GPR158: variants seen among roughly 807,000 people sequenced by gnomAD.
The protein encoded by GPR158 is metabotropic glycine receptor.
A neutral mutation model predicts 78.2 loss-of-function variants in GPR158; 30 were observed. That is an observed-to-expected ratio of 0.38 (90% CI 0.29 to 0.52). The LOEUF (loss-of-function observed/expected upper bound fraction) is 0.52, where lower values mean the gene tolerates loss of function less well. Ranked by LOEUF, GPR158 falls within the 20% of genes least tolerant of loss-of-function variation. The pLI is 0.83. For synonymous variants in GPR158, 581 were observed against 591.1 expected (o/e 0.98, Z 0.25); for missense variants, 1,463 against 1,523.5 (o/e 0.96, Z 0.66).
chr10:25,437,520 C>G (rs1484780519), intron 4 of GPR158, among the ~76,000 whole-genome samples: 1 of 152,148 alleles, frequency 6.6e-6, no homozygotes, highest in Non-Finnish European at 1.5e-5. Context: ...GCCACTGGGC[C>G]CAGTCCCTAT....
intron 1 of GPR158, among the ~76,000 whole-genome samples, chr10:25,212,852 G>A (rs933073848): frequency 3.9e-5 from 6 of 151,940 alleles, no homozygotes; most frequent in East Asian, 1.9e-4. Context: ...GGCTGGTCTC[G>A]AACTCCTGAC....
rs535167373 is a variant in GPR158, at chr10:25,245,194, A to G, written c.1008+24037A>G. The stretch of plus-strand genomic sequence containing the variant: ...AAAGGAATGCCAGTTCACTGGAAGG[A>G]GAAGTAAAGGAGGAGCCCAACAGGG... On this transcript the variant is annotated intron_variant, in intron 2 of 10. Coordinates refer to ENST00000376351, the MANE Select transcript of GPR158 (RefSeq NM_020752.3). 2.0e-5 allele frequency among the ~76,000 whole-genome samples: 3 copies of G among 152,322 alleles called. No homozygotes were observed. In the East Asian group the frequency reaches 5.8e-4, roughly 29 times the overall value.
intron 5 of GPR158, among the ~76,000 whole-genome samples, chr10:25,472,034 G>C (rs2130624582): frequency 6.6e-6 from 1 of 152,202 alleles, no homozygotes; most frequent in African/African-American, 2.4e-5. Flanking sequence ...TGAAGTCCTT[G>C]CCCATGCCTA....
chr10:25,276,364 C>T (rs1052428856), intron 2 of GPR158, among the ~76,000 whole-genome samples: 16 of 152,276 alleles, frequency 1.1e-4, no homozygotes, highest in African/African-American at 3.1e-4. Flanking sequence ...CTGCTTTCTC[C>T]TTCTTCCTTT....
At chr10:25,369,549 G>A (rs1199210154) in intron 2 of GPR158, among the ~76,000 whole-genome samples, 2 of 149,094 alleles carry the variant, frequency 1.3e-5, no homozygotes, top group Non-Finnish European at 3.0e-5. Context: ...GCTTTTTGAT[G>A]TGCTGCTGGA....
intron 7 of GPR158, among the ~76,000 whole-genome samples, chr10:25,579,401 T>A (rs1837155761): frequency 6.6e-6 from 1 of 152,174 alleles, no homozygotes; most frequent in South Asian, 2.1e-4. Context: ...GATTTAGATA[T>A]CCCAGGCAGG....
intron 2 of GPR158, among the ~76,000 whole-genome samples, chr10:25,293,119 CA>C (rs1854463446): frequency 6.6e-6 from 1 of 152,184 alleles, no homozygotes; most frequent in African/African-American, 2.4e-5. Flanking sequence ...TGAGATTTTG[CA>C]GCTTTTTCTT....
chr10:25,588,296 T>C lies in GPR158; in HGVS notation c.1754-711T>C, dbSNP rs370880620. 9.2e-5 allele frequency among the ~76,000 whole-genome samples: 14 copies of C among 152,334 alleles called. No homozygotes were observed. The South Asian group carries it at 1.2e-3, about 14-fold the overall frequency. On this transcript the variant is annotated intron_variant, in intron 7 of 10. Transcript: ENST00000376351. The stretch of plus-strand genomic sequence containing the variant: ...AAGATTATGCAAAGTTATTTAGGGA[T>C]AGAGCCAGAGTCAGAATCAGAATTA...
chr10:25,457,975 G>A (rs1835312519), intron 4 of GPR158, among the ~76,000 whole-genome samples: 1 of 152,114 alleles, frequency 6.6e-6, no homozygotes, highest in Non-Finnish European at 1.5e-5. Context: ...TTTCTGCCCA[G>A]CAATATATGA....
At chr10:25,205,547 G>C (rs1853013369) in intron 1 of GPR158, among the ~76,000 whole-genome samples, 2 of 151,836 alleles carry the variant, frequency 1.3e-5, no homozygotes, top group Admixed American at 1.3e-4. Context: ...CTTTTTTGGT[G>C]TGGGCAGTTA....
intron 9 of GPR158, among the ~76,000 whole-genome samples, chr10:25,596,437 T>C (rs1357732049): frequency 6.6e-6 from 1 of 152,126 alleles, no homozygotes; most frequent in Non-Finnish European, 1.5e-5. Context: ...GCTGCTGCTC[T>C]CCTGGCTGAG....
chr10:25,283,117 G>C (rs1044644033), intron 2 of GPR158, among the ~76,000 whole-genome samples: 5 of 151,948 alleles, frequency 3.3e-5, no homozygotes, highest in African/African-American at 1.2e-4. Context: ...CAGAATTCCA[G>C]AGTGAAATCA....
At chr10:25,493,909 G>A (rs547844798) in intron 5 of GPR158, among the ~76,000 whole-genome samples, 13 of 152,248 alleles carry the variant, frequency 8.5e-5, no homozygotes, top group South Asian at 2.1e-4. Flanking sequence ...TGCTTATTGC[G>A]CTAAAGCTTT....
At chr10:25,337,707 A>T (rs1855229738) in intron 2 of GPR158, among the ~76,000 whole-genome samples, 2 of 149,000 alleles carry the variant, frequency 1.3e-5, no homozygotes, top group Admixed American at 1.3e-4. Flanking sequence ...TTTAGTAGAT[A>T]TTGTCAGAAT....
At position 25,564,323 on chromosome 10, in the gene GPR158, T is replaced by C. The variant is rs1215945746; in HGVS notation, c.1515-8326T>C. The stretch of plus-strand genomic sequence containing the variant: ...GGCCTTTTGTGAGAATGTTCCAGGC[T>C]TCTAGATTCCCAGAAATATATTGGT... On this transcript the variant is annotated intron_variant, in intron 6 of 10. Coordinates refer to ENST00000376351, the MANE Select transcript of GPR158 (RefSeq NM_020752.3). Among the ~76,000 whole-genome samples, 5 of 152,174 alleles carry C rather than the reference T, an allele frequency of 3.3e-5. No individual in the cohort carries two copies. The East Asian group carries it at 7.7e-4, about 23-fold the overall frequency.
chr10:25,493,495 T>C (rs982788574), intron 5 of GPR158, among the ~76,000 whole-genome samples: 3 of 152,146 alleles, frequency 2.0e-5, no homozygotes, highest in Non-Finnish European at 2.9e-5. Flanking sequence ...GTAGAGGGCT[T>C]TCTAAAAAAA....
intron 4 of GPR158, chr10:25,466,415 A>G: frequency 2.5e-6 from 1 of 395,342 alleles, no homozygotes; most frequent in African/African-American, 2.0e-5. Flanking sequence ...CAAATTTTAG[A>G]GAACAAAATC....
intron 3 of GPR158, among the ~76,000 whole-genome samples, chr10:25,402,745 C>T (rs1172345233): frequency 1.3e-5 from 2 of 151,750 alleles, no homozygotes; most frequent in African/African-American, 4.8e-5. Context: ...TAAATGATAT[C>T]ACAGTTATAA....
At chr10:25,228,054 C>T (rs1853398570) in intron 2 of GPR158, among the ~76,000 whole-genome samples, 1 of 152,050 alleles carries the variant, frequency 6.6e-6, no homozygotes, top group African/African-American at 2.4e-5. Flanking sequence ...TGTTTTTTCT[C>T]TACTTCTACT....
Sources: gnomAD v4.1 joint callset for allele counts (sites outside exome capture counted in the v4.1 genomes callset) on GRCh38, gnomAD v4.1.1 for gene constraint, MANE v1.5 for transcripts, NCBI Gene and HGNC (gene_info 2026-07-23, HGNC 2026-07-21) for gene names.